Variants in KHDRBS2 observed in about 807,000 individuals in gnomAD.
KHDRBS2 encodes the protein KH domain-containing, RNA-binding, signal transduction-associated protein 2.
In KHDRBS2, 26 loss-of-function variants were observed where a neutral mutation model predicts 44.3. The ratio of observed to expected loss-of-function variants is 0.59; its 90% confidence interval spans 0.43 to 0.81. KHDRBS2 has a LOEUF of 0.81. Among genes scored for constraint, KHDRBS2 ranks in the 40% least tolerant of loss-of-function variants. The pLI, the probability that KHDRBS2 is intolerant of heterozygous loss-of-function variation, is 0.00. For missense variants in KHDRBS2, 476 were observed against 433.1 expected (o/e 1.10, Z -0.88); for synonymous variants, 194 against 151.1 (o/e 1.28, Z -2.08).
intron 2 of KHDRBS2, among the ~76,000 whole-genome samples, chr6:62,054,690 A>T (rs1789865480): frequency 6.6e-6 from 1 of 152,062 alleles, no homozygotes; most frequent in South Asian, 2.1e-4. Flanking sequence ...CAAAGAATGA[A>T]GGCAGCTTCT....
intron 2 of KHDRBS2, among the ~76,000 whole-genome samples, chr6:62,081,511 T>C (rs1797387518): frequency 6.6e-6 from 1 of 152,166 alleles, no homozygotes; most frequent in South Asian, 2.1e-4. Context: ...GCAACAATAA[T>C]TTACTGAAGT....
intron 7 of KHDRBS2, among the ~76,000 whole-genome samples, chr6:61,713,138 T>A (rs1416754835): frequency 6.6e-6 from 1 of 151,644 alleles, no homozygotes; most frequent in Non-Finnish European, 1.5e-5. Context: ...TGTTGTATTG[T>A]CTTTCTAAAA....
chr6:62,284,012 T>TC (rs750358828), intron 1 of KHDRBS2, among the ~76,000 whole-genome samples: 1 of 151,958 alleles, frequency 6.6e-6, no homozygotes, highest in Non-Finnish European at 1.5e-5. Context: ...AGGGCATGCT[T>TC]CCCCCTGCTG....
chr6:61,888,368 C>G (rs1801283767), intron 6 of KHDRBS2, among the ~76,000 whole-genome samples: 5 of 152,118 alleles, frequency 3.3e-5, no homozygotes, highest in Admixed American at 3.3e-4. Flanking sequence ...AACTGAGAGG[C>G]TAGTATCTGT....
At chr6:61,771,280 A>G (rs546840256) in intron 6 of KHDRBS2, among the ~76,000 whole-genome samples, 1 of 152,308 alleles carries the variant, frequency 6.6e-6, no homozygotes, top group South Asian at 2.1e-4. Flanking sequence ...TGCATCAACT[A>G]ATGAGCAAAA....
chr6:62,109,622 T>C (rs1804522221), intron 2 of KHDRBS2, among the ~76,000 whole-genome samples: 1 of 151,950 alleles, frequency 6.6e-6, no homozygotes, highest in South Asian at 2.1e-4. Flanking sequence ...AAAGATCATA[T>C]AGTGGCAATG....
At chr6:61,890,602 A>T (rs1396612568) in intron 6 of KHDRBS2, among the ~76,000 whole-genome samples, 1 of 152,224 alleles carries the variant, frequency 6.6e-6, no homozygotes, top group Non-Finnish European at 1.5e-5. Flanking sequence ...TTAAGCCTCT[A>T]TTTGGAGGAC....
At chr6:62,233,146 C>T (rs1833155096) in intron 1 of KHDRBS2, among the ~76,000 whole-genome samples, 1 of 152,118 alleles carries the variant, frequency 6.6e-6, no homozygotes, top group African/African-American at 2.4e-5. Context: ...TTCCTCAGAA[C>T]TACAGAGCTG....
chr6:62,060,652 C>A (rs1485718100), intron 2 of KHDRBS2, among the ~76,000 whole-genome samples: 1 of 148,794 alleles, frequency 6.7e-6, no homozygotes, highest in African/African-American at 2.5e-5. Context: ...TATATATGAA[C>A]TAAAACAAAT....
the KHDRBS2 span, among the ~76,000 whole-genome samples, chr6:61,587,944 AG>A: frequency 6.6e-6 from 1 of 152,202 alleles, no homozygotes; most frequent in East Asian, 1.9e-4. Context: ...TCTGTGCTTA[AG>A]AAACAGCATT....
intron 2 of KHDRBS2, among the ~76,000 whole-genome samples, chr6:62,098,277 C>T (rs561234361): frequency 6.2e-5 from 9 of 146,256 alleles, no homozygotes; most frequent in African/African-American, 1.8e-4. Context: ...AAGTTAGAAC[C>T]TCTTTCTTTC....
At chr6:61,769,547 T>G (rs542825840) in intron 6 of KHDRBS2, among the ~76,000 whole-genome samples, 22 of 152,258 alleles carry the variant, frequency 1.4e-4, no homozygotes, top group Admixed American at 1.1e-3. Context: ...CCTACTGGCT[T>G]GGAGGGTCCT....
chr6:62,152,390 A>G (rs551613303), intron 2 of KHDRBS2, among the ~76,000 whole-genome samples: 1 of 152,318 alleles, frequency 6.6e-6, no homozygotes, highest in South Asian at 2.1e-4. Context: ...GATAATACAA[A>G]TAAGTCAGCT....
the KHDRBS2 span, among the ~76,000 whole-genome samples, chr6:61,672,690 G>C: frequency 6.6e-6 from 1 of 151,960 alleles, no homozygotes; most frequent in Admixed American, 6.6e-5. Flanking sequence ...TTTTGATGGG[G>C]TTGTGTGTTT....
the KHDRBS2 span, among the ~76,000 whole-genome samples, chr6:61,586,478 TA>T: frequency 6.6e-6 from 1 of 152,160 alleles, no homozygotes; most frequent in Admixed American, 6.5e-5. Flanking sequence ...GTGGCTCTAA[TA>T]ATGCCTGTAA....
intron 6 of KHDRBS2, among the ~76,000 whole-genome samples, chr6:61,886,517 T>C (rs912215148): frequency 2.0e-5 from 3 of 152,170 alleles, no homozygotes; most frequent in Non-Finnish European, 4.4e-5. Flanking sequence ...GCATGCATAG[T>C]TTCTATTTGG....
chr6:62,235,130 C>T (rs1257578972), intron 1 of KHDRBS2, among the ~76,000 whole-genome samples: 1 of 136,094 alleles, frequency 7.3e-6, no homozygotes, highest in Non-Finnish European at 1.5e-5. Context: ...CTAATGCTTA[C>T]GTGATCCATT....
the KHDRBS2 span, among the ~76,000 whole-genome samples, chr6:61,559,174 T>C: frequency 6.6e-6 from 1 of 152,200 alleles, no homozygotes; most frequent in Non-Finnish European, 1.5e-5. Flanking sequence ...TAGTGAACTA[T>C]TTTGTCTTTT....
intron 2 of KHDRBS2, among the ~76,000 whole-genome samples, chr6:62,099,174 T>C (rs1432520519): frequency 6.6e-6 from 1 of 152,184 alleles, no homozygotes; most frequent in East Asian, 1.9e-4. Flanking sequence ...GGTGAGGTCA[T>C]GGTTCCCCAA....
Sources: gnomAD v4.1 joint callset for allele counts (sites outside exome capture counted in the v4.1 genomes callset) on GRCh38, gnomAD v4.1.1 for gene constraint, MANE v1.5 for transcripts, NCBI Gene and HGNC (gene_info 2026-07-23, HGNC 2026-07-21) for gene names.